Variants in SEMA3D observed in about 807,000 individuals in gnomAD.
SEMA3D encodes semaphorin 3D.
In SEMA3D, 84 loss-of-function variants were observed where a neutral mutation model predicts 100.1. That is an observed-to-expected ratio of 0.84 (90% CI 0.70 to 1.01). The LOEUF (loss-of-function observed/expected upper bound fraction) is 1.01, where lower values mean the gene tolerates loss of function less well. Among genes scored for constraint, SEMA3D ranks in the 50% least tolerant of loss-of-function variants. SEMA3D has a pLI of 0.00. For synonymous variants in SEMA3D, 312 were observed against 320.7 expected (o/e 0.97, Z 0.29); for missense variants, 875 against 934.1 (o/e 0.94, Z 0.82).
intron 4 of SEMA3D, among the ~76,000 whole-genome samples, chr7:85,087,525 A>G (rs796834997): frequency 3.0e-4 from 46 of 152,358 alleles, no homozygotes; most frequent in African/African-American, 1.1e-3. Flanking sequence ...GGGTATAGCT[A>G]GTAATTGAAC....
At chr7:85,117,763 A>AGTAT (rs35480171) in intron 3 of SEMA3D, among the ~76,000 whole-genome samples, 3,770 of 145,826 alleles carry the variant, frequency 0.026, 61 homozygotes, top group East Asian at 0.083. Flanking sequence ...ACAGAGCAAG[A>AGTAT]GTATGTATGT....
the SEMA3D span, among the ~76,000 whole-genome samples, chr7:85,229,544 C>G: frequency 6.6e-6 from 1 of 151,936 alleles, no homozygotes; most frequent in African/African-American, 2.4e-5. Context: ...CCAAAAATTA[C>G]ATATACTGTT....
chr7:85,142,447 A>G lies in SEMA3D; in HGVS notation c.-41+11161T>C, dbSNP rs538479154. 4.7e-4 allele frequency: 455 copies of G among 958,098 alleles called. 1 individual carries two copies. The highest frequency in any genetic ancestry group is 5.3e-4 in the Non-Finnish European group (425 of 805,206). The allele number at this position is 958,098 out of a possible 1,614,324, so 59.3% of individuals were successfully genotyped here. A position where few individuals can be genotyped will look rare whatever the true frequency, so the allele number is the denominator to read the frequency against. On this transcript the variant is annotated intron_variant, in intron 2 of 18. Transcript: ENST00000284136. The stretch of plus-strand genomic sequence containing the variant: ...CTAAAGATGTCATAATTTATTTATA[A>G]AAGACACAGATTACATCAGGGAAAT...
At position 85,003,221 on chromosome 7, in the gene SEMA3D, CA is replaced by C. The variant is rs537370093; in HGVS notation, c.1909-3357del. 6.6e-3 allele frequency among the ~76,000 whole-genome samples: 1,002 copies of C among 152,110 alleles called. 12 individuals carry two copies. Among genetic ancestry groups the C allele is most frequent in the African/African-American group, 0.023 (951 of 41,514 alleles). ...TTTTAAATTTATCAGAGTTTACTTA[CA>C]TGACACTGTATATCATCCATCTATT... On this transcript the variant is annotated intron_variant, in intron 18 of 18. Coordinates refer to ENST00000284136, the MANE Select transcript of SEMA3D (RefSeq NM_001384900.1).
chr7:84,998,193 T>A lies in SEMA3D; in HGVS notation c.*1247A>T, dbSNP rs943854432. The A allele has an allele frequency of 7.2e-5, 11 of 152,110 alleles. No homozygotes were observed. Among genetic ancestry groups the A allele is most frequent in the African/African-American group, 2.7e-4 (11 of 41,448 alleles). 9.4% of individuals were successfully genotyped at this position (152,110 alleles called of 1,614,324 possible). On this transcript the variant is annotated 3_prime_UTR_variant, in exon 19 of 19. Coordinates refer to ENST00000284136, the MANE Select transcript of SEMA3D (RefSeq NM_001384900.1). Reference sequence around the variant, plus strand: ...ATATCCCCACTCCCCAGAAATGTCATTTTCTTAATTCTCTGTGTGTTATAT... The same window carrying A: ...ATATCCCCACTCCCCAGAAATGTCAATTTCTTAATTCTCTGTGTGTTATAT...
chr7:85,113,223 T>C (rs1460771042), intron 3 of SEMA3D, among the ~76,000 whole-genome samples: 2 of 152,184 alleles, frequency 1.3e-5, no homozygotes, highest in African/African-American at 2.4e-5. Context: ...GTAATAATCA[T>C]ATAATACGAA....
chr7:85,041,637 T>C (rs1790867980), intron 10 of SEMA3D: 2 of 152,234 alleles, frequency 1.3e-5, no homozygotes, highest in South Asian at 4.1e-4. Flanking sequence ...GCTAACATTA[T>C]ACATAAACAA....
At chr7:85,101,450 C>G (rs1460160806) in intron 3 of SEMA3D, among the ~76,000 whole-genome samples, 1 of 151,994 alleles carries the variant, frequency 6.6e-6, no homozygotes, top group African/African-American at 2.4e-5. Flanking sequence ...GCCACCAGGG[C>G]ATTATCCTGC....
chr7:85,193,866 A>G, the SEMA3D span, among the ~76,000 whole-genome samples: 1 of 124,844 alleles, frequency 8.0e-6, no homozygotes, highest in African/African-American at 3.6e-5. Context: ...ATTATAAACC[A>G]TACTAAAGGA....
At chr7:85,156,586 G>A (rs1790604365) in intron 1 of SEMA3D, among the ~76,000 whole-genome samples, 2 of 151,988 alleles carry the variant, frequency 1.3e-5, no homozygotes, top group South Asian at 4.2e-4. Flanking sequence ...ATTTGGTATT[G>A]AAAAATTTTA....
intron 3 of SEMA3D, among the ~76,000 whole-genome samples, chr7:85,107,743 C>A (rs565771626): frequency 6.6e-6 from 1 of 152,030 alleles, no homozygotes; most frequent in Non-Finnish European, 1.5e-5. Flanking sequence ...TAATCCATCA[C>A]TTTAAGTCTG....
At chr7:85,216,481 G>T in the SEMA3D span, among the ~76,000 whole-genome samples, 1 of 151,646 alleles carries the variant, frequency 6.6e-6, no homozygotes, top group Admixed American at 6.6e-5. Flanking sequence ...GTATACAATT[G>T]TTGAAATTTA....
rs538075422 is a variant in SEMA3D at position 85,010,256 on chromosome 7, G to A, written c.1768+2526C>T. On this transcript the variant is annotated intron_variant, in intron 17 of 18. Coordinates refer to ENST00000284136, the MANE Select transcript of SEMA3D (RefSeq NM_001384900.1). ...AGAGAGGGTCAGAGAATATACTAGCGATCAGGTCAAGAAGCATCTTACATG... is the reference window on the plus strand; with the variant it reads ...AGAGAGGGTCAGAGAATATACTAGCAATCAGGTCAAGAAGCATCTTACATG... Among the ~76,000 whole-genome samples the A allele has an allele frequency of 5.2e-4, 79 of 151,904 alleles. No individual in the cohort carries two copies. The South Asian group carries it at 5.8e-3, about 11-fold the overall frequency.
rs1443424987 is a variant in SEMA3D, at chr7:85,081,559, C to A, written c.333G>T (p.Lys111Asn). ...CTAATTTACATAATTCCACCCGTTC[C>A]TTTGCAGCAGGCCAATAAATCTGCA... ...NFKKIYWPAA[K>N]ERVELCKLAG... is the part of the protein sequence containing the mutation. Residue 111 changes from lysine to asparagine, a missense_variant, in exon 5 of 19, where the codon AAG becomes AAT. Lys to Asn is a moderately conservative substitution (Grantham distance 94). Transcript: ENST00000284136. 1.2e-6 allele frequency: 2 copies of A among 1,611,868 alleles called. No individual in the cohort carries two copies. Among genetic ancestry groups the A allele is most frequent in the East Asian group, 2.2e-5 (1 of 44,796 alleles).
chr7:85,174,379 A>G (rs887101316), intron 1 of SEMA3D, among the ~76,000 whole-genome samples: 59 of 152,242 alleles, frequency 3.9e-4, no homozygotes, highest in African/African-American at 1.3e-3. Context: ...TGGAGTTAGG[A>G]GGGCTTCAAG....
At chr7:85,127,324 G>A (rs1356300333) in intron 2 of SEMA3D, among the ~76,000 whole-genome samples, 1 of 152,102 alleles carries the variant, frequency 6.6e-6, no homozygotes, top group African/African-American at 2.4e-5. Flanking sequence ...AAAATACACT[G>A]AGAGTATATA....
At chr7:85,180,011 T>C (rs1163671830) in intron 1 of SEMA3D, among the ~76,000 whole-genome samples, 1 of 152,170 alleles carries the variant, frequency 6.6e-6, no homozygotes. Context: ...TTTGGGGAAC[T>C]GTTGGAAAAG....
chr7:85,161,728 G>A (rs1790750508), intron 1 of SEMA3D, among the ~76,000 whole-genome samples: 1 of 152,076 alleles, frequency 6.6e-6, no homozygotes, highest in Non-Finnish European at 1.5e-5. Flanking sequence ...GAATCACTCT[G>A]TAATACCCAT....
At chr7:85,012,613 TAGAC>T in intron 17 of SEMA3D, among the ~76,000 whole-genome samples, 165 bp downstream of exon 17, 1 of 151,942 alleles carries the variant, frequency 6.6e-6, no homozygotes, top group South Asian at 2.1e-4. Context: ...ATTAGGCACG[TAGAC>T]AGGGGTTGAT....
Sources: allele counts gnomAD v4.1 joint callset (sites outside exome capture counted in the v4.1 genomes callset), GRCh38; gene constraint gnomAD v4.1.1; transcripts MANE v1.5; gene names NCBI Gene and HGNC (gene_info 2026-07-23, HGNC 2026-07-21).